The following KCNMB2 variants were observed in gnomAD, a reference collection of about 807,000 sequenced individuals.
The protein encoded by KCNMB2 is calcium-activated potassium channel subunit beta-2.
In KCNMB2, 9 loss-of-function variants were observed where a neutral mutation model predicts 24.5. The ratio of observed to expected loss-of-function variants is 0.37; its 90% confidence interval spans 0.22 to 0.64. The LOEUF is 0.64. Ranked by LOEUF, KCNMB2 falls within the 30% of genes least tolerant of loss-of-function variation. The pLI is 0.63. For missense variants in KCNMB2, 226 were observed against 284.3 expected (o/e 0.79, Z 1.47); for synonymous variants, 109 against 104.4 (o/e 1.04, Z -0.27).
At chr3:178,556,983 G>T (rs1263010549) in intron 1 of KCNMB2, among the ~76,000 whole-genome samples, 2 of 152,120 alleles carry the variant, frequency 1.3e-5, no homozygotes, top group Non-Finnish European at 2.9e-5. Flanking sequence ...GACAAGGGAA[G>T]GTGTTTTATT....
At chr3:178,733,013 G>A (rs1723203162) in intron 1 of KCNMB2, among the ~76,000 whole-genome samples, 1 of 152,130 alleles carries the variant, frequency 6.6e-6, no homozygotes, top group South Asian at 2.1e-4. Flanking sequence ...AGTTAAAATT[G>A]CGCAATAAAT....
intron 1 of KCNMB2, among the ~76,000 whole-genome samples, chr3:178,719,882 T>C (rs990757144): frequency 6.6e-6 from 1 of 152,202 alleles, no homozygotes; most frequent in African/African-American, 2.4e-5. Context: ...TCTCTGCCGT[T>C]TGCCCAGTAC....
intron 1 of KCNMB2, among the ~76,000 whole-genome samples, chr3:178,776,065 T>G (rs778790572): frequency 2.6e-5 from 4 of 152,196 alleles, no homozygotes; most frequent in Non-Finnish European, 5.9e-5. Flanking sequence ...TCCTAGCATG[T>G]GTCAACTGCC....
intron 1 of KCNMB2, among the ~76,000 whole-genome samples, chr3:178,676,460 C>A (rs1054729306): frequency 3.3e-5 from 5 of 152,120 alleles, no homozygotes; most frequent in African/African-American, 1.2e-4. Context: ...ATCCAAAGTC[C>A]GTCTTCACAT....
At chr3:178,702,310 G>A (rs1037972259) in intron 1 of KCNMB2, among the ~76,000 whole-genome samples, 7 of 147,720 alleles carry the variant, frequency 4.7e-5, no homozygotes, top group East Asian at 2.1e-4. Flanking sequence ...GAGGGATAGC[G>A]TTAGGAGATA....
intron 1 of KCNMB2, among the ~76,000 whole-genome samples, chr3:178,756,825 T>A (rs938779814): frequency 1.3e-5 from 2 of 152,076 alleles, no homozygotes; most frequent in African/African-American, 4.8e-5. Flanking sequence ...TTAACAGCAT[T>A]AAAACTCATG....
chr3:178,835,696 T>A (rs1715201792), intron 4 of KCNMB2, among the ~76,000 whole-genome samples: 1 of 143,672 alleles, frequency 7.0e-6, no homozygotes, highest in Non-Finnish European at 1.5e-5. Context: ...TGAGCAATGT[T>A]TTTTTTTCCA....
chr3:178,590,622 C>A (rs1448581876), intron 1 of KCNMB2, among the ~76,000 whole-genome samples: 1 of 152,092 alleles, frequency 6.6e-6, no homozygotes, highest in Non-Finnish European at 1.5e-5. Context: ...TTGTTTAATC[C>A]TCATCAATGC....
intron 1 of KCNMB2, among the ~76,000 whole-genome samples, chr3:178,695,992 G>A (rs949993228): frequency 2.0e-5 from 3 of 152,170 alleles, no homozygotes; most frequent in African/African-American, 7.2e-5. Context: ...AGACTCACCT[G>A]AGACTGGGTC....
intron 1 of KCNMB2, among the ~76,000 whole-genome samples, chr3:178,549,309 C>CTT (rs34705538): frequency 5.1e-5 from 7 of 136,880 alleles, no homozygotes; most frequent in Non-Finnish European, 9.5e-5. Context: ...CTTTTATTTT[C>CTT]TTTTTTTTTT....
At chr3:178,769,594 A>AG (rs556535202) in intron 1 of KCNMB2, among the ~76,000 whole-genome samples, 38 of 152,358 alleles carry the variant, frequency 2.5e-4, no homozygotes, top group African/African-American at 8.7e-4. Flanking sequence ...GAAGGTAGAA[A>AG]GTATAAAAAT....
rs1720350204 is a variant in KCNMB2, at chr3:178,656,555, C to CTGAGGTAGG, written c.-68+119844_-68+119845insTGAGGTAGG. The stretch of plus-strand genomic sequence containing the variant: ...TGGGAGGCTGAGGCAGGCAGATCAC[C>CTGAGGTAGG]CGAGGTCAGGAGTTTGAGACCAGTC... On this transcript the variant is annotated intron_variant, in intron 1 of 4. Coordinates refer to ENST00000452583, the MANE Select transcript of KCNMB2 (RefSeq NM_181361.3). Among the ~76,000 whole-genome samples the CTGAGGTAGG allele has an allele frequency of 2.6e-5, 4 of 151,968 alleles. No individual in the cohort carries two copies. In the South Asian group the frequency reaches 6.2e-4, roughly 24 times the overall value.
chr3:178,787,502 G>A (rs1272229206), intron 1 of KCNMB2, among the ~76,000 whole-genome samples: 1 of 152,014 alleles, frequency 6.6e-6, no homozygotes. Flanking sequence ...CTAATTTTAC[G>A]GAAGAAAAGA....
intron 1 of KCNMB2, among the ~76,000 whole-genome samples, chr3:178,757,908 T>C (rs1724209144): frequency 7.4e-6 from 1 of 135,972 alleles, no homozygotes. Context: ...AGAGGATACA[T>C]ATATATATCC....
intron 1 of KCNMB2, among the ~76,000 whole-genome samples, chr3:178,634,538 A>C (rs1229498144): frequency 2.0e-5 from 3 of 152,132 alleles, no homozygotes; most frequent in Non-Finnish European, 4.4e-5. Flanking sequence ...CTATCATGAG[A>C]ACAGCATGGA....
chr3:178,591,296 G>A (rs148200655), intron 1 of KCNMB2, among the ~76,000 whole-genome samples: 1 of 152,188 alleles, frequency 6.6e-6, no homozygotes, highest in South Asian at 2.1e-4. Context: ...AAAAGAAAGA[G>A]CTGACTGTTT....
chr3:178,787,287 T>C (rs1713144670), intron 1 of KCNMB2, among the ~76,000 whole-genome samples: 1 of 152,182 alleles, frequency 6.6e-6, no homozygotes, highest in Non-Finnish European at 1.5e-5. Flanking sequence ...TTTTCACACA[T>C]TAACTCACAT....
At chr3:178,750,141 G>A (rs1002977737) in intron 1 of KCNMB2, among the ~76,000 whole-genome samples, 1 of 151,480 alleles carries the variant, frequency 6.6e-6, no homozygotes, top group Non-Finnish European at 1.5e-5. Flanking sequence ...ACTTGGAAAA[G>A]AAGTCCAATG....
At chr3:178,725,784 T>C (rs1722947881) in intron 1 of KCNMB2, among the ~76,000 whole-genome samples, 1 of 152,022 alleles carries the variant, frequency 6.6e-6, no homozygotes, top group Admixed American at 6.6e-5. Context: ...AGTGTTTTCA[T>C]GACGTATCAT....
Sources: gnomAD v4.1 joint callset for allele counts (sites outside exome capture counted in the v4.1 genomes callset) on GRCh38, gnomAD v4.1.1 for gene constraint, MANE v1.5 for transcripts, NCBI Gene and HGNC (gene_info 2026-07-23, HGNC 2026-07-21) for gene names.